The following PCGF2 variants were observed in gnomAD, a reference collection of about 807,000 sequenced individuals.
PCGF2 encodes polycomb group ring finger 2.
In PCGF2, 8 loss-of-function variants were observed where a neutral mutation model predicts 36.1. That is an observed-to-expected ratio of 0.22 (90% CI 0.13 to 0.40). The LOEUF is 0.40. Ranked by LOEUF, PCGF2 falls within the 10% of genes least tolerant of loss-of-function variation. The pLI is 1.00. For synonymous variants in PCGF2, 198 were observed against 191.2 expected, an observed-to-expected ratio of 1.04 and a Z score of -0.29; for missense variants, 436 against 475.9, an observed-to-expected ratio of 0.92 and a Z score of 0.78.
upstream of PCGF2, among the ~76,000 whole-genome samples, chr17:38,748,951 A>G (rs1907740330): frequency 6.6e-6 from 1 of 152,076 alleles, no homozygotes; most frequent in Non-Finnish European, 1.5e-5. Context: ...GCGGCGCACC[A>G]GGATCCAGCC....
intron 10 of PCGF2, 67 bp downstream of exon 10, chr17:38,736,023 T>C: frequency 9.6e-7 from 1 of 1,043,754 alleles, no homozygotes; most frequent in South Asian, 1.3e-5. Flanking sequence ...GGGTGGCCCA[T>C]GTGGCCACAG....
rs1425563829 is a variant in PCGF2, at chr17:38,735,250, G to A, written c.1008C>T (p.Asn336=). ...AAGTTAAGGGGGGCACGGGAGCGCC[G>A]TTGACAGTCATCTTGCGCCCCCTGC... ...STSRGRKMTV[N]GAPVPPLT Residue 336 remains asparagine (N), a synonymous_variant, in exon 11 of 11, where the codon AAC becomes AAT. Coordinates refer to ENST00000620225, the MANE Select transcript of PCGF2 (RefSeq NM_007144.3). 8.9e-6 allele frequency: 13 copies of A among 1,455,434 alleles called. No individual in the cohort carries two copies. The highest frequency in any genetic ancestry group is 1.4e-5 in the African/African-American group (1 of 70,910). The allele number at this position is 1,455,434 out of a possible 1,614,324, so 90.2% of individuals were successfully genotyped here.
Position 38,739,501 on chromosome 17 carries a change from G to T in PCGF2, c.209+85C>A. 8.7e-7 allele frequency: 1 copy of T among 1,144,374 alleles called. No homozygotes were observed. Among genetic ancestry groups the T allele is most frequent in the Non-Finnish European group, 1.3e-6 (1 of 753,202 alleles). The allele number at this position is 1,144,374 out of a possible 1,614,324, so 70.9% of individuals were successfully genotyped here. ...ATGCTTCTCCTACACCTGCCGCCTT[G>T]GCTGAAGGAAGCACGGAGCGTGGGA... On this transcript the variant is annotated intron_variant, in intron 4 of 10. Transcript: ENST00000620225. The surrounding 1 kb of genome is among the most constrained non-coding windows in gnomAD (Gnocchi z 4.0).
chr17:38,735,356 G>T lies in PCGF2; in HGVS notation c.902C>A (p.Thr301Asn). ...GPPATHPTSP[T>N]PPSTASGATT... ...GGCCCCACTGGCTGTCGAAGGGGGAGTGGGGGAGGTAGGGTGGGTGGCTGG... is the reference window on the plus strand; with the variant it reads ...GGCCCCACTGGCTGTCGAAGGGGGATTGGGGGAGGTAGGGTGGGTGGCTGG... The change falls in exon 11 of 11, where the codon ACT becomes AAT. Residue 301 changes from threonine (T) to asparagine (N), a missense_variant. Thr to Asn is a moderately conservative substitution (Grantham distance 65). Around this residue, in one of 3 missense-constraint regions of PCGF2, gnomAD observed 227 missense variants for 212.9 expected, o/e 1.07. Coordinates refer to ENST00000620225, the MANE Select transcript of PCGF2 (RefSeq NM_007144.3). 6.4e-7 allele frequency: 1 copy of T among 1,560,460 alleles called. No individual in the cohort carries two copies. The highest frequency in any genetic ancestry group is 8.7e-7 in the Non-Finnish European group (1 of 1,150,552).
chr17:38,749,790 A>C (rs1257898254), upstream of PCGF2: 1 of 453,658 alleles, frequency 2.2e-6, no homozygotes, highest in Non-Finnish European at 4.4e-6. The surrounding 1 kb of genome is among the most constrained non-coding windows in gnomAD (Gnocchi z 6.5). Context: ...CTGGCCGCCG[A>C]GTGACCCCAG....
At position 38,739,043 on chromosome 17, in the gene PCGF2, CACAA is replaced by C. The variant is rs1906992416; in HGVS notation, c.316+21_316+24del. On this transcript the variant is annotated intron_variant, in intron 6 of 10. Transcript: ENST00000620225. The surrounding 1 kb of genome is among the most constrained non-coding windows in gnomAD (Gnocchi z 4.0). ...ATGGTCCCAGGCAAGACTGTGCACA[CACAA>C]ACAGACGCGAGCACACTCACCCTCC... The C allele has an allele frequency of 5.6e-6, 9 of 1,612,000 alleles. No individual in the cohort carries two copies. The highest frequency in any genetic ancestry group is 2.1e-4 in the Middle Eastern group (1 of 4,672).
Position 38,739,339 on chromosome 17 carries a change from C to T in PCGF2, c.210-86G>A. Reference sequence around the variant, plus strand: ...CTGCTCTCCCAGCCAGGGTACCCCTCTTCCCACCCCCTTCCTGAGACCGGT... The same window carrying T: ...CTGCTCTCCCAGCCAGGGTACCCCTTTTCCCACCCCCTTCCTGAGACCGGT... On this transcript the variant is annotated intron_variant, in intron 4 of 10. Coordinates refer to ENST00000620225, the MANE Select transcript of PCGF2 (RefSeq NM_007144.3). This position sits in a 1 kb window ranked among gnomAD's most constrained non-coding sequence, Gnocchi z 4.0. 1 of 1,239,620 alleles carries T rather than the reference C, an allele frequency of 8.1e-7. No homozygotes were observed. Among genetic ancestry groups the T allele is most frequent in the African/African-American group, 1.5e-5 (1 of 67,724 alleles). 76.8% of individuals were successfully genotyped at this position (1,239,620 alleles called of 1,614,324 possible).
rs1235394690 is a variant in PCGF2, at chr17:38,740,196, GC to G, written c.112+94del. On this transcript the variant is annotated intron_variant, in intron 3 of 10. Coordinates refer to ENST00000620225, the MANE Select transcript of PCGF2 (RefSeq NM_007144.3). ...CACGTGGGCGCGTTGGCTCTTTAGG[GC>G]AAGGGTTTGCGTGCTACCTTCCTCA... 4.4e-6 allele frequency: 5 copies of G among 1,144,288 alleles called. No homozygotes were observed. In the Admixed American group the frequency reaches 1.0e-4, roughly 23 times the overall value. The allele number at this position is 1,144,288 out of a possible 1,614,324, so 70.9% of individuals were successfully genotyped here.
rs534021365 is a variant in PCGF2, at chr17:38,738,635, AGAACCAGGAGACCCAGGAG to A, written c.426-59_426-41del. The A allele has an allele frequency of 1.1e-3, 1,640 of 1,560,034 alleles. 4 individuals carry two copies. The highest frequency in any genetic ancestry group is 1.3e-3 in the Non-Finnish European group (1,475 of 1,149,672). ...AGAATGAAGCTAGGAAGACCCAGGA[AGAACCAGGAGACCCAGGAG>A]GATGATCCCTCAATGGACACATCCA... is the stretch of plus-strand genomic sequence containing the variant. On this transcript the variant is annotated intron_variant, in intron 7 of 10. Coordinates refer to ENST00000620225, the MANE Select transcript of PCGF2 (RefSeq NM_007144.3).
At chr17:38,742,179 A>C (rs1907244706) in intron 2 of PCGF2, among the ~76,000 whole-genome samples, 3 of 152,082 alleles carry the variant, frequency 2.0e-5, no homozygotes, top group African/African-American at 7.2e-5. Context: ...CCAAACCTGC[A>C]CCTGGAAGGG....
rs1336525745 is a variant in PCGF2, at chr17:38,740,355, G to A, written c.48C>T (p.Leu16=). 10 of 1,610,394 alleles carry A rather than the reference G, an allele frequency of 6.2e-6. No individual in the cohort carries two copies. Among genetic ancestry groups the A allele is most frequent in the Admixed American group, 1.7e-5 (1 of 59,938 alleles). Residue 16 remains leucine, a synonymous_variant, in exon 3 of 11, where the codon CTC becomes CTT. Coordinates refer to ENST00000620225, the MANE Select transcript of PCGF2 (RefSeq NM_007144.3). ...AGTACCCCCCGCAGAGGGCACACAT[G>A]AGGTGGGGGTTCAGCTCTGTGATTT... is the stretch of plus-strand genomic sequence containing the variant. ...RIKITELNPH[L]MCALCGGYFI... is the part of the protein sequence containing the mutation.
At position 38,734,998 on chromosome 17, in the gene PCGF2, AGTTT is replaced by A. The variant is rs966176406; in HGVS notation, c.*221_*224del. 2 of 372,916 alleles carry A rather than the reference AGTTT, an allele frequency of 5.4e-6. No individual in the cohort carries two copies. Among genetic ancestry groups the A allele is most frequent in the Non-Finnish European group, 9.5e-6 (2 of 211,040 alleles). 23.1% of individuals were successfully genotyped at this position (372,916 alleles called of 1,614,324 possible). ...TTTCCACACATACACACACACATAA[AGTTT>A]GTTTCCTGTGGCATTTAAATTAATC... On this transcript the variant is annotated 3_prime_UTR_variant, in exon 11 of 11. Transcript: ENST00000620225.
chr17:38,741,771 C>A (rs1268960613), intron 2 of PCGF2, among the ~76,000 whole-genome samples: 1 of 152,156 alleles, frequency 6.6e-6, no homozygotes, highest in Non-Finnish European at 1.5e-5. Context: ...CAGCTCCAGC[C>A]CTAGCCCTGG....
intron 10 of PCGF2, 115 bp from the exon 11 acceptor site, chr17:38,735,715 G>A (rs1181052823): frequency 1.6e-5 from 21 of 1,351,344 alleles, no homozygotes; most frequent in Non-Finnish European, 1.8e-5. Flanking sequence ...AAAAGGGATG[G>A]GATGGGGCCT....
chr17:38,738,692 G>A (rs1906958169), intron 7 of PCGF2, 61 bp downstream of exon 7: 2 of 1,567,316 alleles, frequency 1.3e-6, no homozygotes, highest in South Asian at 1.1e-5. Flanking sequence ...GAGGGTCCTG[G>A]GTGGGAGAAG....
chr17:38,740,414 CG>C lies in PCGF2; in HGVS notation c.-13del. ...GTAGTCCGATGCATGATTCCGGGGT[CG>C]GGGGTGGGGGGACTGGGGAGCGTTG... On this transcript the variant is annotated 5_prime_UTR_variant, in exon 3 of 11. Transcript: ENST00000620225. 1.6e-6 allele frequency: 2 copies of C among 1,213,640 alleles called. No homozygotes were observed. The highest frequency in any genetic ancestry group is 2.1e-6 in the Non-Finnish European group (2 of 953,708). 75.2% of individuals were successfully genotyped at this position (1,213,640 alleles called of 1,614,324 possible). A position where few individuals can be genotyped will look rare whatever the true frequency, so the allele number is the denominator to read the frequency against.
chr17:38,745,378 C>T (rs868810105), intron 2 of PCGF2, among the ~76,000 whole-genome samples: 2 of 152,004 alleles, frequency 1.3e-5, no homozygotes, highest in Admixed American at 6.6e-5. Flanking sequence ...TGGTGGCAGG[C>T]GCCTGTAATC....
At chr17:38,735,677 T>A (rs1447264323) in intron 10 of PCGF2, 77 bp from the exon 11 acceptor site, 1 of 1,454,582 alleles carries the variant, frequency 6.9e-7, no homozygotes, top group Non-Finnish European at 9.1e-7. Context: ...AGGGCCACCA[T>A]CTCCACCCCA....
intron 2 of PCGF2, among the ~76,000 whole-genome samples, chr17:38,747,385 G>T (rs1372011534): frequency 6.6e-6 from 1 of 152,172 alleles, no homozygotes; most frequent in African/African-American, 2.4e-5. Flanking sequence ...GAAATATTGC[G>T]ATAAATTTCC....
Sources: allele counts gnomAD v4.1 joint callset (sites outside exome capture counted in the v4.1 genomes callset), GRCh38; gene constraint gnomAD v4.1.1; regional missense constraint gnomAD v4.1.1; non-coding constraint Gnocchi (gnomAD v3.1); transcripts MANE v1.5; gene names NCBI Gene and HGNC (gene_info 2026-07-23, HGNC 2026-07-21).